Variants in SLC25A31 observed in about 807,000 individuals in gnomAD.
SLC25A31 encodes the protein ADP/ATP translocase 4.
SLC25A31 carries 40 observed loss-of-function variants against 36.2 expected under a neutral mutation model. That is an observed-to-expected ratio of 1.10 (90% CI 0.86 to 1.44). The LOEUF is 1.44. Among genes scored for constraint, SLC25A31 ranks in the 40% most tolerant of loss-of-function variants. The pLI is 0.00. For synonymous variants in SLC25A31, 143 were observed against 149.7 expected, an observed-to-expected ratio of 0.96 and a Z score of 0.32; for missense variants, 350 against 397.1, an observed-to-expected ratio of 0.88 and a Z score of 1.01.
At chr4:127,742,354 A>T (rs1731746934) in intron 1 of SLC25A31, among the ~76,000 whole-genome samples, 1 of 152,174 alleles carries the variant, frequency 6.6e-6, no homozygotes, top group Non-Finnish European at 1.5e-5. Context: ...AGATCACCAC[A>T]TCTGGACATT....
Position 127,773,447 on chromosome 4 carries a change from A to C in SLC25A31, c.821A>C (p.His274Pro), listed in dbSNP as rs914458330. The C allele has an allele frequency of 1.2e-6, 2 of 1,614,070 alleles. No homozygotes were observed. The highest frequency in any genetic ancestry group is 1.7e-6 in the Non-Finnish European group (2 of 1,180,016). ...TLDCFVKIYQ[H>P]EGISSFFRGA... ...GACTGCTTTGTGAAGATATACCAACATGAAGGAATCAGTTCCTTTTTTCGT... is the reference window on the plus strand; with the variant it reads ...GACTGCTTTGTGAAGATATACCAACCTGAAGGAATCAGTTCCTTTTTTCGT... The change falls in exon 6 of 6, where the codon CAT becomes CCT. Residue 274 changes from histidine to proline, a missense_variant. Coordinates refer to ENST00000281154, the MANE Select transcript of SLC25A31 (RefSeq NM_031291.4).
chr4:127,761,166 C>T (rs924105854), intron 2 of SLC25A31, among the ~76,000 whole-genome samples: 13 of 152,116 alleles, frequency 8.5e-5, no homozygotes, highest in African/African-American at 2.9e-4. Context: ...CTACATAGAT[C>T]GGCCATACCG....
intron 1 of SLC25A31, among the ~76,000 whole-genome samples, chr4:127,740,567 G>T (rs1196108580): frequency 6.6e-6 from 1 of 152,218 alleles, no homozygotes; most frequent in Non-Finnish European, 1.5e-5. Flanking sequence ...ATTCAGGAGA[G>T]CAGATGGTCA....
At chr4:127,764,709 G>A (rs1310803899) in intron 3 of SLC25A31, among the ~76,000 whole-genome samples, 4 of 151,994 alleles carry the variant, frequency 2.6e-5, no homozygotes, top group Non-Finnish European at 4.4e-5. Context: ...ATCCTAGGGA[G>A]TCCCTTTGCC....
intron 2 of SLC25A31, among the ~76,000 whole-genome samples, chr4:127,747,624 A>G (rs1429580598): frequency 1.3e-5 from 2 of 152,296 alleles, no homozygotes; most frequent in East Asian, 1.9e-4. Flanking sequence ...AATAATACCT[A>G]TCTCGTAGTT....
chr4:127,742,434 C>T (rs938586380), intron 1 of SLC25A31, among the ~76,000 whole-genome samples: 1 of 152,178 alleles, frequency 6.6e-6, no homozygotes, highest in African/African-American at 2.4e-5. Flanking sequence ...TCTTCTTATT[C>T]CTCCCTAATT....
chr4:127,730,400 G>C lies in SLC25A31; in HGVS notation c.-146G>C, dbSNP rs936086497. On this transcript the variant is annotated 5_prime_UTR_variant, in exon 1 of 6. Coordinates refer to ENST00000281154, the MANE Select transcript of SLC25A31 (RefSeq NM_031291.4). ...TGCGCAGCTTTTCCGCACGCGCCTC[G>C]CCGGCGCGCGGCTCTCTCAGCGTCC... The C allele has an allele frequency of 1.2e-6, 1 of 854,248 alleles. No individual in the cohort carries two copies. Among genetic ancestry groups the C allele is most frequent in the Non-Finnish European group, 1.8e-6 (1 of 563,448 alleles). The allele number at this position is 854,248 out of a possible 1,614,324, so 52.9% of individuals were successfully genotyped here. A position where few individuals can be genotyped will look rare whatever the true frequency, so the allele number is the denominator to read the frequency against.
intron 1 of SLC25A31, among the ~76,000 whole-genome samples, chr4:127,739,812 T>G (rs1365589642): frequency 6.6e-6 from 1 of 151,978 alleles, no homozygotes; most frequent in African/African-American, 2.4e-5. Flanking sequence ...CTAACTGGGT[T>G]AAAGGACCAG....
chr4:127,735,373 CT>C (rs1299698678), intron 1 of SLC25A31, among the ~76,000 whole-genome samples: 1 of 152,160 alleles, frequency 6.6e-6, no homozygotes, highest in Non-Finnish European at 1.5e-5. Flanking sequence ...AAATGTTTAA[CT>C]TTGCTCTAAT....
At chr4:127,764,437 C>T in intron 3 of SLC25A31, 77 bp downstream of exon 3, 1 of 1,218,002 alleles carries the variant, frequency 8.2e-7, no homozygotes, top group Admixed American at 1.8e-5. Flanking sequence ...ATTAATTGTG[C>T]TATAATAGTG....
At chr4:127,769,561 G>A (rs925188601) in intron 5 of SLC25A31, among the ~76,000 whole-genome samples, 1 of 152,126 alleles carries the variant, frequency 6.6e-6, no homozygotes, top group African/African-American at 2.4e-5. Context: ...TCAGATAAGG[G>A]ATACCAACCT....
intron 4 of SLC25A31, among the ~76,000 whole-genome samples, chr4:127,768,123 A>G (rs1253140786): frequency 1.3e-5 from 2 of 151,966 alleles, no homozygotes; most frequent in African/African-American, 4.8e-5. Context: ...AAGCAATGAA[A>G]TTAATATCAG....
At chr4:127,744,824 T>C (rs1449259269) in intron 2 of SLC25A31, 25 bp downstream of exon 2, 2 of 1,397,368 alleles carry the variant, frequency 1.4e-6, no homozygotes, top group South Asian at 3.0e-5. Flanking sequence ...TTTTTACTTT[T>C]TTCTTCCAAT....
intron 1 of SLC25A31, among the ~76,000 whole-genome samples, chr4:127,732,795 A>G (rs1731554159): frequency 6.6e-6 from 1 of 152,192 alleles, no homozygotes; most frequent in Non-Finnish European, 1.5e-5. Flanking sequence ...CTATGCTAAG[A>G]GATCAGTAAT....
chr4:127,773,285 C>G, intron 5 of SLC25A31, 101 bp from the exon 6 acceptor site: 1 of 1,070,364 alleles, frequency 9.3e-7, no homozygotes. Context: ...CAGTGCTACT[C>G]AACACAGTGT....
intron 1 of SLC25A31, among the ~76,000 whole-genome samples, chr4:127,732,846 C>T (rs1252916589): frequency 1.3e-5 from 2 of 152,100 alleles, no homozygotes; most frequent in African/African-American, 4.8e-5. Context: ...ATTTCGGAAA[C>T]TTGTGGGGCA....
At chr4:127,768,045 T>C (rs1036105127) in intron 4 of SLC25A31, among the ~76,000 whole-genome samples, 1 of 151,906 alleles carries the variant, frequency 6.6e-6, no homozygotes, top group Non-Finnish European at 1.5e-5. Context: ...GTTAAGTAAT[T>C]TACTTGTTAA....
At position 127,764,376 on chromosome 4, in the gene SLC25A31, A is replaced by G. The variant is rs746605910; in HGVS notation, c.478+16A>G. 1.3e-6 allele frequency: 2 copies of G among 1,579,522 alleles called. No homozygotes were observed. Among genetic ancestry groups the G allele is most frequent in the Admixed American group, 3.4e-5 (2 of 59,424 alleles). ...ATTGGAAAAGGTATGAGATTTTTAG[A>G]AATACTAACTTTTCCTTCTTTGCAT... On this transcript the variant is annotated intron_variant, in intron 3 of 5. Coordinates refer to ENST00000281154, the MANE Select transcript of SLC25A31 (RefSeq NM_031291.4).
Position 127,730,620 on chromosome 4 carries a change from G to T in SLC25A31, c.75G>T (p.Leu25=). 1 of 1,614,038 alleles carries T rather than the reference G, an allele frequency of 6.2e-7. No individual in the cohort carries two copies. ...FDASSFGKDL[L]AGGVAAAVSK... The stretch of plus-strand genomic sequence containing the variant: ...CCTCATCCTTCGGGAAGGACCTTCT[G>T]GCCGGCGGAGTCGCGGCAGCTGTGT... The change falls in exon 1 of 6, where the codon CTG becomes CTT. Residue 25 remains leucine (L), a synonymous_variant. Transcript: ENST00000281154.
Sources: allele counts gnomAD v4.1 joint callset (sites outside exome capture counted in the v4.1 genomes callset), GRCh38; gene constraint gnomAD v4.1.1; transcripts MANE v1.5; gene names NCBI Gene and HGNC (gene_info 2026-07-23, HGNC 2026-07-21).